Variants in CLEC1A observed in about 807,000 individuals in gnomAD.
CLEC1A encodes C-type lectin domain family 1 member A, also known as C-type lectin-like receptor-1.
In CLEC1A, 34 loss-of-function variants were observed where a neutral mutation model predicts 28.7. That is an observed-to-expected ratio of 1.18 (90% confidence interval 0.90 to 1.57). CLEC1A has a LOEUF of 1.57. Among genes scored for constraint, CLEC1A ranks in the 40% most tolerant of loss-of-function variants. The pLI is 0.00. For missense variants in CLEC1A, 385 were observed against 339.5 expected, an observed-to-expected ratio of 1.13 and a Z score of -1.05; for synonymous variants, 116 against 121.0, an observed-to-expected ratio of 0.96 and a Z score of 0.27.
chr12:10,081,018 T>C (rs1432442266), intron 3 of CLEC1A, among the ~76,000 whole-genome samples: 4 of 152,228 alleles, frequency 2.6e-5, no homozygotes, highest in Non-Finnish European at 4.4e-5. Flanking sequence ...GTTTTTATTG[T>C]TTTAAAATGT....
In CLEC1A at chr12:10,073,322, C is replaced by A. The variant is rs749745737; in HGVS notation, c.633G>T (p.Trp211Cys). 51 of 1,613,524 alleles carry A rather than the reference C, an allele frequency of 3.2e-5. No individual in the cohort carries two copies. Among genetic ancestry groups the A allele is most frequent in the Non-Finnish European group, 4.2e-5 (50 of 1,179,560 alleles). ...LRPDSGKAWL[W>C]MDGTPFTSEL... Reference sequence around the variant, plus strand: ...CAGAAGTGAAAGGGGTTCCATCCATCCACAGCCAGGCCTTGCCACTGTCAG... The same window carrying A: ...CAGAAGTGAAAGGGGTTCCATCCATACACAGCCAGGCCTTGCCACTGTCAG... The change falls in exon 5 of 6, where the codon TGG becomes TGT. Residue 211 changes from tryptophan to cysteine, a missense_variant. Physicochemically the swap from Trp to Cys is radical, Grantham distance 215. Coordinates refer to ENST00000315330, the MANE Select transcript of CLEC1A (RefSeq NM_016511.4).
chr12:10,073,132 GC>G (rs1402330896), intron 5 of CLEC1A, among the ~76,000 whole-genome samples, 160 bp downstream of exon 5: 34 of 151,996 alleles, frequency 2.2e-4, no homozygotes, highest in African/African-American at 8.2e-4. Flanking sequence ...AAATGAGGAT[GC>G]ACTATTGTTC....
chr12:10,072,430 A>G (rs1248064729), intron 5 of CLEC1A, among the ~76,000 whole-genome samples: 1 of 152,232 alleles, frequency 6.6e-6, no homozygotes, highest in Non-Finnish European at 1.5e-5. Context: ...CAGCATATGT[A>G]CGACTAGTGT....
chr12:10,096,970 T>C (rs1431228151), intron 1 of CLEC1A, among the ~76,000 whole-genome samples: 1 of 152,184 alleles, frequency 6.6e-6, no homozygotes, highest in Non-Finnish European at 1.5e-5. Context: ...CACCTTATTA[T>C]ACTTACTCCT....
chr12:10,083,037 G>A (rs1193018938), intron 2 of CLEC1A, among the ~76,000 whole-genome samples: 3 of 152,234 alleles, frequency 2.0e-5, no homozygotes, highest in African/African-American at 7.2e-5. Flanking sequence ...TCATATCACA[G>A]GACTCTGCAG....
chr12:10,092,779 C>G (rs1373250758), intron 1 of CLEC1A, among the ~76,000 whole-genome samples: 3 of 152,006 alleles, frequency 2.0e-5, no homozygotes, highest in Non-Finnish European at 4.4e-5. Context: ...CTAAGATTGC[C>G]TCTAGGGCAG....
At chr12:10,089,979 T>C (rs80045214) in intron 1 of CLEC1A, among the ~76,000 whole-genome samples, 2,930 of 152,314 alleles carry the variant, frequency 0.019, 72 homozygotes, top group African/African-American at 0.065. Flanking sequence ...GCAGAGGTTT[T>C]ACTGTAAGTC....
At chr12:10,080,152 T>C (rs1048325451) in intron 3 of CLEC1A, among the ~76,000 whole-genome samples, 1 of 151,936 alleles carries the variant, frequency 6.6e-6, no homozygotes, top group Admixed American at 6.6e-5. Context: ...CTACTAAAAA[T>C]ACAAGAAAAA....
chr12:10,087,493 TATATATATATATATA>T (rs1866523123), intron 2 of CLEC1A, among the ~76,000 whole-genome samples: 1 of 126,112 alleles, frequency 7.9e-6, no homozygotes, highest in Admixed American at 7.8e-5. Flanking sequence ...TATATATATA[TATATATATATATATA>T]TATATATATA....
At chr12:10,083,304 G>A (rs917764268) in intron 2 of CLEC1A, among the ~76,000 whole-genome samples, 1 of 152,074 alleles carries the variant, frequency 6.6e-6, no homozygotes, top group South Asian at 2.1e-4. Context: ...TGACAAAACA[G>A]GATTCTATAG....
At chr12:10,087,472 TTATATATA>T (rs200437169) in intron 2 of CLEC1A, among the ~76,000 whole-genome samples, 1,389 of 75,134 alleles carry the variant, frequency 0.018, 15 homozygotes, top group East Asian at 0.033. Flanking sequence ...TACCTCAAAG[TTATATATA>T]TATATATATA....
chr12:10,083,563 C>G (rs1271016697), intron 2 of CLEC1A, among the ~76,000 whole-genome samples: 1 of 152,156 alleles, frequency 6.6e-6, no homozygotes, highest in Non-Finnish European at 1.5e-5. Context: ...GGATCTACCT[C>G]CCAGGTTCAA....
chr12:10,083,913 A>G (rs1444839908), intron 2 of CLEC1A, among the ~76,000 whole-genome samples: 1 of 152,252 alleles, frequency 6.6e-6, no homozygotes, highest in African/African-American at 2.4e-5. Flanking sequence ...GAAGGTTTCA[A>G]CAATAGACTA....
intron 2 of CLEC1A, among the ~76,000 whole-genome samples, chr12:10,082,117 A>T (rs1244483178): frequency 2.6e-5 from 4 of 152,178 alleles, no homozygotes; most frequent in African/African-American, 9.7e-5. Context: ...TTCCAAATGA[A>T]TTTTGTAATA....
chr12:10,073,806 G>A (rs1866191459), intron 4 of CLEC1A, among the ~76,000 whole-genome samples: 1 of 152,110 alleles, frequency 6.6e-6, no homozygotes, highest in Non-Finnish European at 1.5e-5. Context: ...GAATGAGGTA[G>A]TAACCGTTAT....
intron 2 of CLEC1A, among the ~76,000 whole-genome samples, chr12:10,088,361 A>C (rs1866543678): frequency 6.6e-6 from 1 of 152,218 alleles, no homozygotes; most frequent in South Asian, 2.1e-4. Flanking sequence ...CAGAAGTATT[A>C]AAATTCCTAT....
At chr12:10,098,588 A>C (rs1259944302) in intron 1 of CLEC1A, among the ~76,000 whole-genome samples, 5 of 152,128 alleles carry the variant, frequency 3.3e-5, no homozygotes, top group Admixed American at 3.3e-4. Flanking sequence ...TTTTAGCTTT[A>C]GATTGGCTGA....
At chr12:10,092,943 A>G (rs1167375650) in intron 1 of CLEC1A, among the ~76,000 whole-genome samples, 1 of 152,000 alleles carries the variant, frequency 6.6e-6, no homozygotes, top group African/African-American at 2.4e-5. Flanking sequence ...CTCTTTTTCA[A>G]AATTCTCCTT....
intron 1 of CLEC1A, among the ~76,000 whole-genome samples, chr12:10,090,972 T>A (rs1337018647): frequency 6.6e-6 from 1 of 152,180 alleles, no homozygotes; most frequent in Non-Finnish European, 1.5e-5. Context: ...CACTCACATG[T>A]ACTCCTCACA....
Sources: gnomAD v4.1 joint callset for allele counts (sites outside exome capture counted in the v4.1 genomes callset) on GRCh38, gnomAD v4.1.1 for gene constraint, MANE v1.5 for transcripts, NCBI Gene and HGNC (gene_info 2026-07-23, HGNC 2026-07-21) for gene names.